Variants in AKAP9 observed in about 807,000 individuals in gnomAD.
AKAP9 encodes the protein A-kinase anchoring protein 9.
A neutral mutation model predicts 488.5 loss-of-function variants in AKAP9; 311 were observed. The ratio of observed to expected loss-of-function variants is 0.64; its 90% CI spans 0.58 to 0.70. The LOEUF is 0.70. Ranked by LOEUF, AKAP9 falls within the 30% of genes least tolerant of loss-of-function variation. The probability of loss-of-function intolerance (pLI) is 0.00; values close to 1 mark genes in which losing one functional copy is unlikely to be tolerated. For synonymous variants in AKAP9, 1,462 were observed against 1,483.5 expected (o/e 0.99, Z 0.33); for missense variants, 4,215 against 4,374.5 (o/e 0.96, Z 1.03).
intron 3 of AKAP9, among the ~76,000 whole-genome samples, chr7:91,990,342 A>G (rs1372860587): frequency 6.6e-6 from 1 of 152,014 alleles, no homozygotes; most frequent in Non-Finnish European, 1.5e-5. Context: ...AAAACAGAAT[A>G]ATTTATTGTT....
chr7:91,951,257 A>G (rs416), intron 1 of AKAP9, among the ~76,000 whole-genome samples: 89,028 of 151,718 alleles, frequency 0.59, 26,553 homozygotes, highest in East Asian at 0.83. Flanking sequence ...TTAATGTTCT[A>G]AGCTTTCTCT....
At position 92,102,649 on chromosome 7, in the gene AKAP9, A is replaced by T; in HGVS notation, c.11153A>T (p.Gln3718Leu). ...AGTTTTCGAAAGGCTCTCATTTACC[A>T]GAAGAAATACCTGCTGCTGTTACTG... ...AESFRKALIY[Q>L]KKYLLLLLGG... The change falls in exon 46 of 50, where the codon CAG becomes CTG. Residue 3718 changes from glutamine to leucine, a missense_variant. By Grantham distance (113) the Gln-to-Leu change is moderately radical (BLOSUM62 -2). Transcript: ENST00000356239. 6.2e-7 allele frequency: 1 copy of T among 1,614,274 alleles called. No individual in the cohort carries two copies. Among genetic ancestry groups the T allele is most frequent in the Non-Finnish European group, 8.5e-7 (1 of 1,180,054 alleles).
chr7:91,977,919 G>T lies in AKAP9; in HGVS notation c.307-2370G>T, dbSNP rs575615410. The stretch of plus-strand genomic sequence containing the variant: ...CAATATGCACTTAATGAATATGAGG[G>T]ATTGTATCATGAAAGTATTTCAGAT... On this transcript the variant is annotated intron_variant, in intron 2 of 49. Transcript: ENST00000356239. Among the ~76,000 whole-genome samples the T allele has an allele frequency of 4.6e-5, 7 of 152,146 alleles. No homozygotes were observed. The South Asian group carries it at 1.0e-3, about 23-fold the overall frequency.
At position 92,084,889 on chromosome 7, in the gene AKAP9, C is replaced by G. The variant is rs2130874169; in HGVS notation, c.8781C>G (p.Gly2927=). 6.2e-7 allele frequency: 1 copy of G among 1,612,776 alleles called. No individual in the cohort carries two copies. The highest frequency in any genetic ancestry group is 8.5e-7 in the Non-Finnish European group (1 of 1,179,526). ...AGGGATTTGACATAGCATCAGAAGG[C>G]CGAGGAGAAGAAAGTGAAAGTGCAA... ...HSQGFDIASE[G]RGEESESATD... is the part of the protein sequence containing the mutation. The change falls in exon 35 of 50, where the codon GGC becomes GGG. Residue 2927 remains glycine (G), a synonymous_variant. Coordinates refer to ENST00000356239, the MANE Select transcript of AKAP9 (RefSeq NM_005751.5).
chr7:92,109,664 G>A (rs757538671), intron 49 of AKAP9, among the ~76,000 whole-genome samples: 42 of 152,114 alleles, frequency 2.8e-4, no homozygotes, highest in Admixed American at 6.5e-4. Flanking sequence ...TGGGCTGGGC[G>A]CGGTGGCTCA....
intron 10 of AKAP9, among the ~76,000 whole-genome samples, chr7:92,014,925 C>T (rs111569006): frequency 4.6e-5 from 7 of 152,216 alleles, no homozygotes; most frequent in African/African-American, 1.7e-4. Context: ...TCCTGGGAGA[C>T]GGTGTAGAGT....
intron 28 of AKAP9, 52 bp from the exon 29 acceptor site, chr7:92,076,803 G>T (rs1812654394): frequency 9.0e-7 from 1 of 1,116,998 alleles, no homozygotes; most frequent in Non-Finnish European, 1.3e-6. Context: ...ATTTTATCTT[G>T]ATAAACGTTT....
At chr7:91,948,454 TTTTG>T (rs751158883) in intron 1 of AKAP9, among the ~76,000 whole-genome samples, 38 of 152,280 alleles carry the variant, frequency 2.5e-4, no homozygotes, top group South Asian at 6.2e-4. Context: ...TTTCTGTTTT[TTTTG>T]TTTGTTTGTT....
In AKAP9 at chr7:92,017,002, T is replaced by G. The variant is rs1295806263; in HGVS notation, c.3752-15T>G. On this transcript the variant is annotated splice_polypyrimidine_tract_variant and intron_variant, in intron 11 of 49. Coordinates refer to ENST00000356239, the MANE Select transcript of AKAP9 (RefSeq NM_005751.5). ...TGTGAAGTGAAATTATTGTAATTGT[T>G]TGTTTACCATCCAGACTTTCAAGAA... The G allele has an allele frequency of 6.7e-7, 1 of 1,502,742 alleles. No homozygotes were observed. Among genetic ancestry groups the G allele is most frequent in the South Asian group, 1.2e-5 (1 of 85,678 alleles). The allele number at this position is 1,502,742 out of a possible 1,614,324, so 93.1% of individuals were successfully genotyped here. A position where few individuals can be genotyped will look rare whatever the true frequency, so the allele number is the denominator to read the frequency against.
intron 8 of AKAP9, among the ~76,000 whole-genome samples, chr7:92,008,069 A>G (rs1387926942): frequency 6.6e-6 from 1 of 152,226 alleles, no homozygotes; most frequent in Non-Finnish European, 1.5e-5. Context: ...TTGAAAGTTT[A>G]TTATTTGAAA....
intron 3 of AKAP9, among the ~76,000 whole-genome samples, chr7:91,980,995 A>G (rs988808604): frequency 7.2e-5 from 11 of 152,212 alleles, no homozygotes; most frequent in Admixed American, 7.2e-4. Context: ...TAATAGGAAA[A>G]AAAAACTCCA....
chr7:91,975,188 AG>A (rs1795502077), intron 2 of AKAP9, among the ~76,000 whole-genome samples: 1 of 151,924 alleles, frequency 6.6e-6, no homozygotes, highest in Non-Finnish European at 1.5e-5. Flanking sequence ...AGTTTTTTGT[AG>A]AAATGTGGTC....
intron 47 of AKAP9, 148 bp from the exon 48 acceptor site, chr7:92,107,145 C>T: frequency 6.0e-6 from 5 of 840,110 alleles, no homozygotes; most frequent in South Asian, 4.0e-5. Flanking sequence ...CTGTTTTCTC[C>T]TTTATCAAGA....
chr7:92,047,931 A>G (rs976375472), intron 21 of AKAP9, among the ~76,000 whole-genome samples: 1 of 152,148 alleles, frequency 6.6e-6, no homozygotes, highest in Non-Finnish European at 1.5e-5. Context: ...CTTACTAATA[A>G]AATTGGAGCA....
intron 3 of AKAP9, among the ~76,000 whole-genome samples, chr7:91,991,377 G>C (rs1797731138): frequency 6.6e-6 from 1 of 152,052 alleles, no homozygotes. Context: ...TAATAGGTGT[G>C]CCAGTTGTGC....
At position 92,084,894 on chromosome 7, in the gene AKAP9, G is replaced by A; in HGVS notation, c.8786G>A (p.Gly2929Glu). The A allele has an allele frequency of 1.2e-6, 2 of 1,613,440 alleles. No homozygotes were observed. The highest frequency in any genetic ancestry group is 1.7e-6 in the Non-Finnish European group (2 of 1,179,666). The change falls in exon 35 of 50, where the codon GGA becomes GAA. Residue 2929 changes from glycine to glutamate, a missense_variant. By Grantham distance (98) the Gly-to-Glu change is moderately conservative. Transcript: ENST00000356239. ...QGFDIASEGR[G>E]EESESATDSF... ...TTTGACATAGCATCAGAAGGCCGAG[G>A]AGAAGAAAGTGAAAGTGCAACAGAT...
rs1799156270 is a variant in AKAP9, at chr7:92,001,339, T to G, written c.1422T>G (p.Ala474=). 1.2e-6 allele frequency: 2 copies of G among 1,613,866 alleles called. No homozygotes were observed. Among genetic ancestry groups the G allele is most frequent in the South Asian group, 2.2e-5 (2 of 91,072 alleles). Residue 474 remains alanine, a synonymous_variant, in exon 8 of 50, where the codon GCT becomes GCG. Transcript: ENST00000356239. ...GGCATAAGGGAGAAATGGAGAATGC[T>G]TTAAGGTCATATTCAAATATTACAG... is the stretch of plus-strand genomic sequence containing the variant. The part of the protein sequence containing the change: ...KTRHKGEMEN[A]LRSYSNITVN...
At chr7:91,949,269 T>C (rs904969530) in intron 1 of AKAP9, among the ~76,000 whole-genome samples, 1 of 152,132 alleles carries the variant, frequency 6.6e-6, no homozygotes, top group African/African-American at 2.4e-5. Flanking sequence ...CTTCCATATA[T>C]ATATATTTTT....
At chr7:92,017,808 C>A (rs1801732107) in intron 12 of AKAP9, among the ~76,000 whole-genome samples, 1 of 152,122 alleles carries the variant, frequency 6.6e-6, no homozygotes, top group African/African-American at 2.4e-5. Flanking sequence ...TTCTTTCCCT[C>A]CTGTTTCTTC....
Sources: allele counts gnomAD v4.1 joint callset (sites outside exome capture counted in the v4.1 genomes callset), GRCh38; gene constraint gnomAD v4.1.1; transcripts MANE v1.5; gene names NCBI Gene and HGNC (gene_info 2026-07-23, HGNC 2026-07-21).